Variants in MAX observed in about 807,000 individuals in gnomAD.
The protein encoded by MAX is protein max.
In MAX, 3 loss-of-function variants were observed where a neutral mutation model predicts 22.3. The ratio of observed to expected loss-of-function variants is 0.13; its 90% CI spans 0.06 to 0.35. The LOEUF (loss-of-function observed/expected upper bound fraction) is 0.35. Ranked by LOEUF, MAX falls within the 10% of genes least tolerant of loss-of-function variation. MAX has a pLI of 1.00. For missense variants in MAX, 119 were observed against 209.4 expected, an observed-to-expected ratio of 0.57 and a Z score of 2.66; for synonymous variants, 72 against 77.7, an observed-to-expected ratio of 0.93 and a Z score of 0.39.
chr14:65,056,354 G>A (rs756262955), intron 3 of MAX, among the ~76,000 whole-genome samples: 3 of 152,172 alleles, frequency 2.0e-5, no homozygotes, highest in Non-Finnish European at 4.4e-5. Flanking sequence ...TGCAGTGAAC[G>A]TTGTGGTATC....
chr14:65,080,596 C>T (rs1308206586), intron 3 of MAX, among the ~76,000 whole-genome samples: 1 of 152,178 alleles, frequency 6.6e-6, no homozygotes, highest in Non-Finnish European at 1.5e-5. Context: ...CATTTCTCAC[C>T]TTGCCTATTC....
intron 2 of MAX, among the ~76,000 whole-genome samples, chr14:65,098,625 C>T (rs1827805838): frequency 6.6e-6 from 1 of 152,086 alleles, no homozygotes; most frequent in South Asian, 2.1e-4. Flanking sequence ...TATACCTGTC[C>T]CACAAATTTA....
intron 3 of MAX, among the ~76,000 whole-genome samples, chr14:65,019,814 C>T (rs557216209): frequency 7.9e-5 from 12 of 152,260 alleles, no homozygotes; most frequent in Non-Finnish European, 1.3e-4. Flanking sequence ...CTGGCTCTGA[C>T]CCATAAGGAA....
intron 3 of MAX, among the ~76,000 whole-genome samples, chr14:65,067,602 T>TAA (rs2062943368): frequency 6.6e-6 from 1 of 151,840 alleles, no homozygotes; most frequent in South Asian, 2.1e-4. Flanking sequence ...TTTGATGTTA[T>TAA]CCTTATGACT....
chr14:65,046,662 GA>G lies in MAX; in HGVS notation c.172-40379del, dbSNP rs572921228. On this transcript the variant is annotated intron_variant, in intron 3 of 3. Coordinates refer to the MAX transcript ENST00000341653. ...CTTGGAACAGACAGGAGTCTGTAAA[GA>G]AGGGAAGTGTGTTGAAAGGAGGGCA... Among the ~76,000 whole-genome samples the G allele has an allele frequency of 9.1e-4, 139 of 152,320 alleles. 1 individual carries two copies. Among genetic ancestry groups the G allele is most frequent in the African/African-American group, 3.2e-3 (133 of 41,566 alleles).
At chr14:65,061,341 C>T in intron 3 of MAX, 1 of 1,612,654 alleles carries the variant, frequency 6.2e-7, no homozygotes, top group South Asian at 1.1e-5. Context: ...GCTCTTTGCT[C>T]ACCCATCTCC....
chr14:65,032,477 A>G lies in MAX; in HGVS notation c.172-26193T>C. Reference sequence around the variant, plus strand: ...CTCAGTTGGAGACCCAGGAGGACTGACCGTGTGCCAAGAGTGAGGACAGGA... The same window carrying G: ...CTCAGTTGGAGACCCAGGAGGACTGGCCGTGTGCCAAGAGTGAGGACAGGA... On this transcript the variant is annotated intron_variant, in intron 3 of 3. Coordinates refer to the MAX transcript ENST00000341653. This position sits in a 1 kb window ranked among gnomAD's most constrained non-coding sequence, Gnocchi z 5.0. 1 of 848,258 alleles carries G rather than the reference A, an allele frequency of 1.2e-6. No individual in the cohort carries two copies. The highest frequency in any genetic ancestry group is 1.9e-5 in the South Asian group (1 of 51,506). The allele number at this position is 848,258 out of a possible 1,614,324, so 52.5% of individuals were successfully genotyped here.
chr14:65,037,752 A>T (rs1370753684), intron 3 of MAX, among the ~76,000 whole-genome samples: 107 of 103,960 alleles, frequency 1.0e-3, no homozygotes, highest in South Asian at 2.9e-3. Flanking sequence ...TTATTTATTT[A>T]TTTATTTATT....
chr14:65,095,914 T>C (rs1298478895), intron 2 of MAX, among the ~76,000 whole-genome samples: 1 of 152,148 alleles, frequency 6.6e-6, no homozygotes, highest in African/African-American at 2.4e-5. Context: ...GGACCTGCAC[T>C]AAAGGGGTGG....
intron 3 of MAX, among the ~76,000 whole-genome samples, chr14:65,015,171 C>T (rs1266172588): frequency 1.3e-5 from 2 of 151,138 alleles, no homozygotes; most frequent in African/African-American, 2.4e-5. Flanking sequence ...GGTGCCATCT[C>T]GGCTCACTGC....
chr14:65,078,781 C>T lies in MAX; in HGVS notation c.172-745G>A, dbSNP rs1258408465. On this transcript the variant is annotated intron_variant, in intron 3 of 4. Coordinates refer to ENST00000358664, the MANE Select transcript of MAX (RefSeq NM_002382.5). This position sits in a 1 kb window ranked among gnomAD's most constrained non-coding sequence, Gnocchi z 6.4. Reference sequence around the variant, plus strand: ...CTCACCTCAGGTGATCCACCTACCTCGGCCTCCCAAACTGCTGGGATTACA... The same window carrying T: ...CTCACCTCAGGTGATCCACCTACCTTGGCCTCCCAAACTGCTGGGATTACA... 6.6e-6 allele frequency among the ~76,000 whole-genome samples: 1 copy of T among 152,100 alleles called. No individual in the cohort carries two copies. The highest frequency in any genetic ancestry group is 1.5e-5 in the Non-Finnish European group (1 of 68,016).
At chr14:65,083,708 A>G (rs760702009) in intron 3 of MAX, 5 of 1,041,758 alleles carry the variant, frequency 4.8e-6, no homozygotes, top group East Asian at 5.9e-5. Context: ...CCAAAATGCC[A>G]TATCTGGAGG....
At chr14:65,087,562 C>T (rs769659677) in intron 3 of MAX, among the ~76,000 whole-genome samples, 19 of 152,180 alleles carry the variant, frequency 1.2e-4, no homozygotes, top group Non-Finnish European at 2.5e-4. Flanking sequence ...GGATTTTGGA[C>T]TTGCATGAGG....
intron 3 of MAX, among the ~76,000 whole-genome samples, chr14:65,036,739 G>C (rs1266351503): frequency 6.6e-6 from 1 of 152,042 alleles, no homozygotes; most frequent in African/African-American, 2.4e-5. Flanking sequence ...TGTCACCCAG[G>C]TTGGAGTGCA....
rs771140427 is a variant in MAX at position 65,081,586 on chromosome 14, C to T, written c.172-3550G>A. 7.0e-4 allele frequency among the ~76,000 whole-genome samples: 107 copies of T among 152,310 alleles called. 3 individuals are homozygous for T. Among genetic ancestry groups the T allele is most frequent in the Non-Finnish European group, 2.4e-4 (16 of 68,026 alleles). ...TTCAGTTTCTGTTTTCTGAAAATTG[C>T]TCTAAGTCAGCTGAGTCAACTGCCT... is the stretch of plus-strand genomic sequence containing the variant. On this transcript the variant is annotated intron_variant, in intron 3 of 4. Coordinates refer to ENST00000358664, the MANE Select transcript of MAX (RefSeq NM_002382.5).
In MAX at chr14:65,076,151, A is replaced by T; in HGVS notation, c.*325T>A. 1 of 1,340,258 alleles carries T rather than the reference A, an allele frequency of 7.5e-7. No homozygotes were observed. 83.0% of individuals were successfully genotyped at this position (1,340,258 alleles called of 1,614,324 possible). On this transcript the variant is annotated 3_prime_UTR_variant, in exon 5 of 5. Coordinates refer to ENST00000358664, the MANE Select transcript of MAX (RefSeq NM_002382.5). This position sits in a 1 kb window ranked among gnomAD's most constrained non-coding sequence, Gnocchi z 6.6. ...GGCTGGAGGAGCTGGTAGGGTGGGC[A>T]GGACACTATGTGCTCAGAGGTCCGG...
chr14:65,013,735 A>G (rs1184509269), intron 3 of MAX, among the ~76,000 whole-genome samples: 2 of 152,124 alleles, frequency 1.3e-5, no homozygotes, highest in African/African-American at 4.8e-5. Context: ...TTTAGTAGAG[A>G]CAGGGTTTCA....
rs1192118125 is a variant in MAX at position 65,096,228 on chromosome 14, A to G, written c.64-2413T>C. On this transcript the variant is annotated intron_variant, in intron 2 of 4. Coordinates refer to ENST00000358664, the MANE Select transcript of MAX (RefSeq NM_002382.5). ...CCAGGCCCAATTTAACTAGCAGAAG[A>G]GTGGAATCTTACACCAATCCCTGCT... Among the ~76,000 whole-genome samples, 4 of 152,200 alleles carry G rather than the reference A, an allele frequency of 2.6e-5. No homozygotes were observed. The East Asian group carries it at 5.8e-4, about 22-fold the overall frequency.
In MAX at chr14:65,075,513, C is replaced by G; in HGVS notation, c.*963G>C. On this transcript the variant is annotated 3_prime_UTR_variant, in exon 5 of 5. Coordinates refer to ENST00000358664, the MANE Select transcript of MAX (RefSeq NM_002382.5). This position sits in a 1 kb window ranked among gnomAD's most constrained non-coding sequence, Gnocchi z 4.1. ...TATTTACATACAAAATCAGTTGGCT[C>G]TATTTCTTAGAAATACACACGGGAA... 3 of 1,065,150 alleles carry G rather than the reference C, an allele frequency of 2.8e-6. No individual in the cohort carries two copies. The highest frequency in any genetic ancestry group is 5.0e-5 in the East Asian group (1 of 19,998). 66.0% of individuals were successfully genotyped at this position (1,065,150 alleles called of 1,614,324 possible). A position where few individuals can be genotyped will look rare whatever the true frequency, so the allele number is the denominator to read the frequency against.
Sources: allele counts gnomAD v4.1 joint callset (sites outside exome capture counted in the v4.1 genomes callset), GRCh38; gene constraint gnomAD v4.1.1; non-coding constraint Gnocchi (gnomAD v3.1); transcripts MANE v1.5; gene names NCBI Gene and HGNC (gene_info 2026-07-23, HGNC 2026-07-21).